CHRM2: variants seen among roughly 807,000 people sequenced by gnomAD.
CHRM2 encodes muscarinic acetylcholine receptor M2.
In CHRM2, 8 loss-of-function variants were observed where a neutral mutation model predicts 25.0. That is an observed-to-expected ratio of 0.32 (90% CI 0.19 to 0.58). The LOEUF is 0.58. CHRM2 is among the 20% of genes least tolerant of loss of function. The probability of loss-of-function intolerance (pLI) is 0.88; values close to 1 mark genes in which losing one functional copy is unlikely to be tolerated. For synonymous variants in CHRM2, 202 were observed against 205.7 expected (o/e 0.98, Z 0.15); for missense variants, 440 against 567.1 (o/e 0.78, Z 2.28).
Position 136,889,708 on chromosome 7 carries a change from G to A in CHRM2, c.-125+20290G>A, listed in dbSNP as rs566192048. Among the ~76,000 whole-genome samples the A allele has an allele frequency of 5.3e-4, 80 of 152,266 alleles. 1 individual carries two copies. Among genetic ancestry groups the A allele is most frequent in the South Asian group, 8.3e-4 (4 of 4,824 alleles). ...AAACACATAAATGCTATACATATGC[G>A]GTGTACTAAAATGATAATCACTATT... is the stretch of plus-strand genomic sequence containing the variant. On this transcript the variant is annotated intron_variant, in intron 2 of 3. Transcript: ENST00000680005.
At chr7:136,891,732 C>T (rs2130563547) in intron 2 of CHRM2, among the ~76,000 whole-genome samples, 1 of 152,280 alleles carries the variant, frequency 6.6e-6, no homozygotes, top group Middle Eastern at 3.4e-3. Context: ...CTTAAGGCTT[C>T]TGCTTAGAGT....
chr7:136,931,524 G>A (rs1799105192), intron 2 of CHRM2, among the ~76,000 whole-genome samples: 1 of 152,158 alleles, frequency 6.6e-6, no homozygotes, highest in Non-Finnish European at 1.5e-5. Flanking sequence ...ACTTACAATT[G>A]GTGACAGTTG....
intron 2 of CHRM2, among the ~76,000 whole-genome samples, chr7:136,895,039 T>C (rs1796839587): frequency 6.6e-6 from 1 of 152,204 alleles, no homozygotes; most frequent in South Asian, 2.1e-4. Flanking sequence ...CTTTGCATGC[T>C]GGAGTTAGAA....
chr7:136,884,871 A>G (rs1796401722), intron 2 of CHRM2, among the ~76,000 whole-genome samples: 1 of 152,228 alleles, frequency 6.6e-6, no homozygotes, highest in Non-Finnish European at 1.5e-5. Context: ...TTACTTCCTA[A>G]GAGAATTCCA....
At chr7:136,977,776 A>G (rs1177019468) in intron 2 of CHRM2, among the ~76,000 whole-genome samples, 1 of 152,130 alleles carries the variant, frequency 6.6e-6, no homozygotes, top group Non-Finnish European at 1.5e-5. Context: ...TCTTGTTGCA[A>G]TTGCTTTTGG....
At chr7:136,885,761 T>G (rs1053400216) in intron 2 of CHRM2, among the ~76,000 whole-genome samples, 1 of 152,192 alleles carries the variant, frequency 6.6e-6, no homozygotes, top group African/African-American at 2.4e-5. Context: ...TTAAAACTCC[T>G]TGAATCACAG....
At chr7:136,871,550 T>C (rs1795841099) in intron 2 of CHRM2, 1 of 152,754 alleles carries the variant, frequency 6.5e-6, no homozygotes, top group Non-Finnish European at 1.5e-5. Flanking sequence ...AGGCCGCGCA[T>C]TGCACTTTGT....
intron 2 of CHRM2, among the ~76,000 whole-genome samples, chr7:136,972,552 A>T (rs529579828): frequency 6.2e-4 from 94 of 152,270 alleles, no homozygotes; most frequent in African/African-American, 2.2e-3. Flanking sequence ...ATTTCTTATG[A>T]AAGAAAAAAA....
intron 3 of CHRM2, among the ~76,000 whole-genome samples, chr7:137,013,559 A>C (rs1030024228): frequency 6.6e-6 from 1 of 151,960 alleles, no homozygotes. Flanking sequence ...TCTGCTTCAG[A>C]TGCTGTTTCT....
chr7:136,877,772 T>G (rs1480098913), intron 2 of CHRM2, among the ~76,000 whole-genome samples: 1 of 152,074 alleles, frequency 6.6e-6, no homozygotes, highest in African/African-American at 2.4e-5. Context: ...TGTTCACCCT[T>G]AGTCATGCTG....
At chr7:136,973,697 AATG>A (rs1460558325) in intron 2 of CHRM2, among the ~76,000 whole-genome samples, 2 of 145,234 alleles carry the variant, frequency 1.4e-5, no homozygotes, top group East Asian at 2.0e-4. Context: ...GGTTGTAGGT[AATG>A]ATGATGATGG....
At position 136,869,790 on chromosome 7, in the gene CHRM2, C is replaced by G. The variant is rs985654115; in HGVS notation, c.-125+372C>G. The G allele has an allele frequency of 5.9e-5, 9 of 152,828 alleles. No individual in the cohort carries two copies. The highest frequency in any genetic ancestry group is 2.2e-4 in the African/African-American group (9 of 41,524). The allele number at this position is 152,828 out of a possible 1,614,324, so 9.5% of individuals were successfully genotyped here. A position where few individuals can be genotyped will look rare whatever the true frequency, so the allele number is the denominator to read the frequency against. On this transcript the variant is annotated intron_variant, in intron 2 of 3. Transcript: ENST00000680005. This position sits in a 1 kb window ranked among gnomAD's most constrained non-coding sequence, Gnocchi z 4.9. ...CCTCTACTGTTGCTGACCCCCCTCC[C>G]GCCACCCACTCCAGATGCAGCCATG... is the stretch of plus-strand genomic sequence containing the variant.
At chr7:136,898,067 T>C (rs1797000420) in intron 2 of CHRM2, among the ~76,000 whole-genome samples, 1 of 152,096 alleles carries the variant, frequency 6.6e-6, no homozygotes, top group African/African-American at 2.4e-5. Context: ...TCCCAAGTAA[T>C]CTCACTTCTG....
intron 2 of CHRM2, among the ~76,000 whole-genome samples, chr7:136,942,959 C>G (rs994116588): frequency 6.6e-6 from 1 of 152,084 alleles, no homozygotes; most frequent in African/African-American, 2.4e-5. Flanking sequence ...CGTATGGACT[C>G]ACATTTCCAT....
chr7:137,007,267 G>C (rs938908282), intron 3 of CHRM2, among the ~76,000 whole-genome samples: 3 of 152,092 alleles, frequency 2.0e-5, no homozygotes, highest in Non-Finnish European at 4.4e-5. Context: ...CCAGCAATTT[G>C]TATCTCCCCT....
intron 2 of CHRM2, among the ~76,000 whole-genome samples, chr7:136,909,958 C>T (rs141664561): frequency 8.6e-5 from 13 of 151,728 alleles, no homozygotes; most frequent in African/African-American, 3.1e-4. Context: ...ATTTTTCCTC[C>T]ATGATAAAAC....
chr7:136,944,713 T>C (rs916721309), intron 2 of CHRM2, among the ~76,000 whole-genome samples: 7 of 152,112 alleles, frequency 4.6e-5, no homozygotes, highest in Non-Finnish European at 8.8e-5. Flanking sequence ...GATCAAATGG[T>C]AGTTCTACTT....
intron 2 of CHRM2, among the ~76,000 whole-genome samples, chr7:136,991,956 T>G (rs1303048583): frequency 6.6e-6 from 1 of 152,144 alleles, no homozygotes; most frequent in Non-Finnish European, 1.5e-5. Flanking sequence ...GTGATTCTAT[T>G]CTCAGGCCTA....
intron 2 of CHRM2, among the ~76,000 whole-genome samples, chr7:136,986,502 A>G (rs559062685): frequency 6.4e-4 from 98 of 152,326 alleles, no homozygotes; most frequent in Admixed American, 1.8e-3. Context: ...ACAGTTAGTT[A>G]AATTTACTGT....
Sources: allele counts gnomAD v4.1 joint callset (sites outside exome capture counted in the v4.1 genomes callset), GRCh38; gene constraint gnomAD v4.1.1; non-coding constraint Gnocchi (gnomAD v3.1); transcripts MANE v1.5; gene names NCBI Gene and HGNC (gene_info 2026-07-23, HGNC 2026-07-21).